The following SIGLEC12 variants were observed in gnomAD, a reference collection of about 807,000 sequenced individuals.
SIGLEC12 encodes the protein sialic acid binding Ig like lectin 12, also known as sialic acid-binding Ig-like lectin 12.
Under a neutral mutation model 54.1 loss-of-function variants are expected in SIGLEC12, and 43 were observed. The observed-to-expected ratio is 0.80, with a 90% CI of 0.62 to 1.03. The LOEUF (loss-of-function observed/expected upper bound fraction) is 1.03, where lower values mean the gene tolerates loss of function less well. SIGLEC12 is among the 50% of genes least tolerant of loss of function. The probability of loss-of-function intolerance (pLI) is 0.00; values close to 1 mark genes in which losing one functional copy is unlikely to be tolerated. For synonymous variants in SIGLEC12, 357 were observed against 307.6 expected, an observed-to-expected ratio of 1.16 and a Z score of -1.68; for missense variants, 802 against 735.2, an observed-to-expected ratio of 1.09 and a Z score of -1.05.
intron 7 of SIGLEC12, 88 bp from the exon 8 acceptor site, chr19:51,491,917 T>C (rs1291354644): frequency 2.9e-6 from 3 of 1,043,466 alleles, no homozygotes; most frequent in East Asian, 2.6e-5. Context: ...CAGGAGTTCC[T>C]TCCTCCATTC....
chr19:51,495,692 G>A (rs1201222850), intron 7 of SIGLEC12, among the ~76,000 whole-genome samples: 25 of 152,080 alleles, frequency 1.6e-4, no homozygotes, highest in Admixed American at 1.6e-3. Context: ...ATTAAACTTC[G>A]ATGAGCCCAA....
At chr19:51,499,032 G>C (rs1990316773) in intron 4 of SIGLEC12, 138 bp downstream of exon 4, 1 of 773,542 alleles carries the variant, frequency 1.3e-6, no homozygotes, top group African/African-American at 1.7e-5. Flanking sequence ...GTGCTCAGGT[G>C]GCCAAAAGGC....
intron 7 of SIGLEC12, 103 bp downstream of exon 7, chr19:51,496,777 C>T (rs550624606): frequency 5.6e-5 from 75 of 1,337,296 alleles, no homozygotes; most frequent in South Asian, 3.6e-4. Context: ...CGTGATTTTT[C>T]GGCTGTAGGG....
chr19:51,499,403 G>C (rs377152692), intron 3 of SIGLEC12, 35 bp downstream of exon 3: 9 of 1,546,036 alleles, frequency 5.8e-6, no homozygotes, highest in Non-Finnish European at 7.8e-6. Context: ...AAGGAATCCC[G>C]ATCAAAGACC....
intron 7 of SIGLEC12, among the ~76,000 whole-genome samples, chr19:51,494,399 G>C (rs1301373024): frequency 6.6e-6 from 1 of 152,176 alleles, no homozygotes; most frequent in African/African-American, 2.4e-5. Flanking sequence ...AAGCCTTAAT[G>C]AGATATCACC....
rs1990286827 is a variant in SIGLEC12, at chr19:51,498,037, G to A, written c.1386C>T (p.Ser462=). ...ACCCACCTGTGTACTCGTTTTGCAG[G>A]GAGAGGCTCAGGGAAATGTGCTGGG... ...LGSQHISLSL[S]LQNEYTGKMR... Residue 462 remains serine (S), a synonymous_variant, in exon 5 of 8, where the codon TCC becomes TCT. Transcript: ENST00000291707. 1 of 1,614,216 alleles carries A rather than the reference G, an allele frequency of 6.2e-7. No individual in the cohort carries two copies. Among genetic ancestry groups the A allele is most frequent in the Non-Finnish European group, 8.5e-7 (1 of 1,180,024 alleles).
chr19:51,499,048 C>A, intron 4 of SIGLEC12, 122 bp downstream of exon 4: 1 of 971,546 alleles, frequency 1.0e-6, no homozygotes, highest in Non-Finnish European at 1.6e-6. Context: ...AAGGCTGAGG[C>A]TGAGGGAGGG....
At position 51,498,230 on chromosome 19, in the gene SIGLEC12, T is replaced by C; in HGVS notation, c.1193A>G (p.His398Arg). The change falls in exon 5 of 8, where the codon CAC becomes CGC. Residue 398 changes from histidine to arginine, a missense_variant. Physicochemically the swap from His to Arg is conservative, Grantham distance 29. Coordinates refer to ENST00000291707, the MANE Select transcript of SIGLEC12 (RefSeq NM_053003.4). ...ALSVLEGQSL[H>R]LVCAVDSNPP... is the part of the protein sequence containing the mutation. ...ATTGCTGTCGACAGCACAGACAAGG[T>C]GCAGGGACTGGCCCTCCAGGACTGA... The C allele has an allele frequency of 6.2e-7, 1 of 1,613,976 alleles. No homozygotes were observed. The highest frequency in any genetic ancestry group is 8.5e-7 in the Non-Finnish European group (1 of 1,179,942).
intron 5 of SIGLEC12, among the ~76,000 whole-genome samples, 184 bp downstream of exon 5, chr19:51,497,834 A>G (rs1337037261): frequency 1.3e-5 from 2 of 152,102 alleles, no homozygotes; most frequent in Non-Finnish European, 2.9e-5. Flanking sequence ...ATCCCCAAAC[A>G]CACTTGTCCA....
intron 5 of SIGLEC12, among the ~76,000 whole-genome samples, chr19:51,497,793 T>C (rs111930489): frequency 1.8e-4 from 27 of 152,338 alleles, no homozygotes; most frequent in African/African-American, 6.5e-4. Flanking sequence ...TGCCTCACAC[T>C]AGTCCAGGCA....
chr19:51,495,309 G>A (rs1273949392), intron 7 of SIGLEC12, among the ~76,000 whole-genome samples: 10 of 84,958 alleles, frequency 1.2e-4, no homozygotes, highest in South Asian at 5.6e-4. Flanking sequence ...GGACGGACGG[G>A]TGGGTGGATG....
Position 51,501,500 on chromosome 19 carries a change from T to C in SIGLEC12, c.234A>G (p.Thr78=), listed in dbSNP as rs774291940. ...DHVSRNIPVA[T]NNPARAVQEE... ...CCTGCACTGCTCGAGCTGGGTTGTT[T>C]GTGGCCACTGGAATGTTCCGGCTTA... is the stretch of plus-strand genomic sequence containing the variant. The change falls in exon 1 of 8, where the codon ACA becomes ACG. Residue 78 remains threonine, a synonymous_variant. Transcript: ENST00000291707. 1 of 1,612,230 alleles carries C rather than the reference T, an allele frequency of 6.2e-7. No individual in the cohort carries two copies. The highest frequency in any genetic ancestry group is 2.2e-5 in the East Asian group (1 of 44,828).
chr19:51,499,145 C>T, intron 4 of SIGLEC12, 25 bp downstream of exon 4: 3 of 1,613,302 alleles, frequency 1.9e-6, no homozygotes, highest in Non-Finnish European at 2.5e-6. Flanking sequence ...GCTCCTCCAG[C>T]CCCAGGGAGA....
Position 51,501,326 on chromosome 19 carries a change from C to T in SIGLEC12, c.408G>A (p.Gln136=), listed in dbSNP as rs748865319. ...CCTTACCTGTCACATTCACAGAGAG[C>T]TGGTCATATTTATAATTCCATTTCA... is the stretch of plus-strand genomic sequence containing the variant. The part of the protein sequence containing the change: ...GNMKWNYKYD[Q]LSVNVTASQD... Residue 136 remains glutamine (Q), a synonymous_variant, in exon 1 of 8, where the codon CAG becomes CAA. Transcript: ENST00000291707. The T allele has an allele frequency of 8.7e-6, 14 of 1,614,182 alleles. No individual in the cohort carries two copies. Among genetic ancestry groups the T allele is most frequent in the Admixed American group, 1.7e-5 (1 of 60,026 alleles).
At chr19:51,495,383 G>A in intron 7 of SIGLEC12, among the ~76,000 whole-genome samples, 1 of 103,922 alleles carries the variant, frequency 9.6e-6, no homozygotes, top group Non-Finnish European at 2.1e-5. Context: ...ATGGATGGAT[G>A]GATGGATGGA....
chr19:51,499,735 C>T lies in SIGLEC12; in HGVS notation c.809-19G>A. 6.2e-7 allele frequency: 1 copy of T among 1,612,236 alleles called. No individual in the cohort carries two copies. Among genetic ancestry groups the T allele is most frequent in the Non-Finnish European group, 8.5e-7 (1 of 1,179,126 alleles). ...GTCAGGGCTGGTGATGAAAGGGAGA[C>T]AGGCAAAATGAGGGTGTTGGGGTCT... On this transcript the variant is annotated intron_variant, in intron 2 of 7. Transcript: ENST00000291707.
chr19:51,492,128 C>T (rs960806169), intron 7 of SIGLEC12, among the ~76,000 whole-genome samples: 4 of 152,052 alleles, frequency 2.6e-5, no homozygotes, highest in African/African-American at 7.3e-5. Flanking sequence ...CCTCTTATAC[C>T]GGGACCCAAT....
chr19:51,495,815 G>A (rs369238761), intron 7 of SIGLEC12, among the ~76,000 whole-genome samples: 1 of 152,080 alleles, frequency 6.6e-6, no homozygotes. Flanking sequence ...TCTGCTACTC[G>A]AAACCTTCCA....
intron 7 of SIGLEC12, among the ~76,000 whole-genome samples, chr19:51,493,115 C>T (rs1599949484): frequency 6.6e-6 from 1 of 152,238 alleles, no homozygotes; most frequent in African/African-American, 2.4e-5. Context: ...CATCTCAGCA[C>T]TGCTGTTATC....
Sources: gnomAD v4.1 joint callset for allele counts (sites outside exome capture counted in the v4.1 genomes callset) on GRCh38, gnomAD v4.1.1 for gene constraint, MANE v1.5 for transcripts, NCBI Gene and HGNC (gene_info 2026-07-23, HGNC 2026-07-21) for gene names.